Variants in SPTLC2 observed in about 807,000 individuals in gnomAD.
SPTLC2 encodes serine palmitoyltransferase long chain base subunit 2.
In SPTLC2, 21 loss-of-function variants were observed where a neutral mutation model predicts 62.0. The observed-to-expected ratio is 0.34, with a 90% CI of 0.24 to 0.49. The LOEUF (loss-of-function observed/expected upper bound fraction) is 0.49. Among genes scored for constraint, SPTLC2 ranks in the 20% least tolerant of loss-of-function variants. SPTLC2 has a pLI of 0.99. For missense variants in SPTLC2, 511 were observed against 713.0 expected (o/e 0.72, Z 3.23); for synonymous variants, 261 against 261.8 (o/e 1.00, Z 0.03).
At chr14:77,565,239 T>C (rs1466440918) in intron 5 of SPTLC2, among the ~76,000 whole-genome samples, 3 of 39,728 alleles carry the variant, frequency 7.6e-5, no homozygotes, top group African/African-American at 1.1e-4. Context: ...CAAAACTCCA[T>C]CTCAAAAAAA....
intron 9 of SPTLC2, among the ~76,000 whole-genome samples, chr14:77,527,611 A>G (rs1453937704): frequency 2.6e-5 from 4 of 152,226 alleles, no homozygotes; most frequent in African/African-American, 4.8e-5. Flanking sequence ...ATTCTCAGCC[A>G]TGCATGTAAT....
At chr14:77,555,989 T>C (rs2079581358) in intron 7 of SPTLC2, among the ~76,000 whole-genome samples, 1 of 152,024 alleles carries the variant, frequency 6.6e-6, no homozygotes, top group South Asian at 2.1e-4. Context: ...GATGAAGCCA[T>C]GGCAAGGCAA....
At chr14:77,519,785 AAC>A (rs2079377036) in intron 10 of SPTLC2, among the ~76,000 whole-genome samples, 2 of 152,120 alleles carry the variant, frequency 1.3e-5, no homozygotes, top group Non-Finnish European at 2.9e-5. Flanking sequence ...CATCTTCCTC[AAC>A]ATACCTCCTT....
At chr14:77,574,347 G>A (rs1365344734) in intron 4 of SPTLC2, among the ~76,000 whole-genome samples, 3 of 152,176 alleles carry the variant, frequency 2.0e-5, no homozygotes, top group Non-Finnish European at 1.5e-5. Flanking sequence ...CAAACAAGAT[G>A]ACTGGAAGAT....
intron 1 of SPTLC2, among the ~76,000 whole-genome samples, chr14:77,601,009 T>C (rs1039128189): frequency 6.6e-6 from 1 of 152,216 alleles, no homozygotes; most frequent in African/African-American, 2.4e-5. Context: ...TATGTTTCCA[T>C]AAGACTAAAA....
chr14:77,552,802 T>C (rs1412865888), intron 8 of SPTLC2, among the ~76,000 whole-genome samples: 1 of 90,428 alleles, frequency 1.1e-5, no homozygotes, highest in Non-Finnish European at 2.3e-5. Flanking sequence ...TGAGACTCCG[T>C]CTTAAAAAAA....
intron 2 of SPTLC2, among the ~76,000 whole-genome samples, chr14:77,588,996 CAAAAAAAAAA>C (rs60536883): frequency 3.1e-4 from 23 of 74,612 alleles, no homozygotes; most frequent in African/African-American, 1.4e-3. Flanking sequence ...GACCTTGTCT[CAAAAAAAAAA>C]AAAAAAAAAA....
intron 2 of SPTLC2, among the ~76,000 whole-genome samples, chr14:77,589,436 A>G (rs916075569): frequency 6.6e-6 from 1 of 151,796 alleles, no homozygotes; most frequent in Non-Finnish European, 1.5e-5. Flanking sequence ...AAAATACTTT[A>G]CATTGTTACT....
intron 10 of SPTLC2, among the ~76,000 whole-genome samples, chr14:77,519,764 T>C (rs2079376889): frequency 6.6e-6 from 1 of 152,218 alleles, no homozygotes; most frequent in Non-Finnish European, 1.5e-5. Flanking sequence ...CCACTCTCTG[T>C]AGTACCAGTA....
At chr14:77,529,061 C>T (rs989790504) in intron 9 of SPTLC2, among the ~76,000 whole-genome samples, 6 of 152,162 alleles carry the variant, frequency 3.9e-5, no homozygotes, top group African/African-American at 1.2e-4. Flanking sequence ...TGGTCTTGAA[C>T]GTCTGACCTC....
intron 9 of SPTLC2, among the ~76,000 whole-genome samples, chr14:77,532,414 G>C (rs2140002123): frequency 6.6e-6 from 1 of 152,164 alleles, no homozygotes; most frequent in African/African-American, 2.4e-5. Context: ...TTACTATTAG[G>C]TTTTTCTTCT....
intron 2 of SPTLC2, among the ~76,000 whole-genome samples, chr14:77,591,947 C>G (rs538105261): frequency 6.6e-6 from 1 of 152,056 alleles, no homozygotes; most frequent in East Asian, 1.9e-4. Context: ...CTGGTCTCAA[C>G]TCCTGACTTC....
At position 77,616,511 on chromosome 14, in the gene SPTLC2, C is replaced by A. The variant is rs1264195856; in HGVS notation, c.69G>T (p.Gly23=). The stretch of plus-strand genomic sequence containing the variant: ...TCCTCACGTACCCGTTCCGTACTTC[C>A]CCGTTCGCCACGCAGCCATTCGCCC... ...TVRANGCVAN[G]EVRNGYVRSS... Residue 23 remains glycine, a synonymous_variant, in exon 1 of 12, where the codon GGG becomes GGT. Transcript: ENST00000216484. 5 of 1,534,584 alleles carry A rather than the reference C, an allele frequency of 3.3e-6. No individual in the cohort carries two copies. The highest frequency in any genetic ancestry group is 4.4e-6 in the Non-Finnish European group (5 of 1,145,918).
Position 77,587,384 on chromosome 14 carries a change from C to T in SPTLC2, c.328-8275G>A, listed in dbSNP as rs571141560. On this transcript the variant is annotated intron_variant, in intron 2 of 11. Coordinates refer to ENST00000216484, the MANE Select transcript of SPTLC2 (RefSeq NM_004863.4). ...CCAACCCTGGAGAAACTCATATTTACATGCAGGAAATGCATATATCAGAAC... is the reference window on the plus strand; with the variant it reads ...CCAACCCTGGAGAAACTCATATTTATATGCAGGAAATGCATATATCAGAAC... Among the ~76,000 whole-genome samples the T allele has an allele frequency of 2.4e-4, 37 of 152,238 alleles. 1 individual carries two copies. The highest frequency in any genetic ancestry group is 8.2e-4 in the African/African-American group (34 of 41,546).
chr14:77,525,241 C>T (rs964854188), intron 9 of SPTLC2, among the ~76,000 whole-genome samples: 3 of 152,164 alleles, frequency 2.0e-5, no homozygotes, highest in Middle Eastern at 3.4e-3. Context: ...GCTATGACTG[C>T]ACCTGTAAAC....
intron 2 of SPTLC2, among the ~76,000 whole-genome samples, chr14:77,587,722 A>G (rs2079789848): frequency 1.3e-5 from 2 of 151,302 alleles, no homozygotes; most frequent in South Asian, 4.2e-4. Context: ...GCACCACTGC[A>G]CTCCAGCCTG....
intron 9 of SPTLC2, among the ~76,000 whole-genome samples, chr14:77,549,065 C>T (rs2079543026): frequency 6.6e-6 from 1 of 152,074 alleles, no homozygotes; most frequent in African/African-American, 2.4e-5. Flanking sequence ...AATGTGATCC[C>T]CAATGACGGA....
chr14:77,540,406 C>T (rs1213268976), intron 9 of SPTLC2, among the ~76,000 whole-genome samples: 1 of 152,076 alleles, frequency 6.6e-6, no homozygotes, highest in African/African-American at 2.4e-5. Flanking sequence ...GGCACAGCAG[C>T]CCAGATCATC....
At chr14:77,596,452 G>A (rs191377260) in intron 2 of SPTLC2, among the ~76,000 whole-genome samples, 5 of 152,244 alleles carry the variant, frequency 3.3e-5, no homozygotes, top group East Asian at 1.9e-4. Context: ...GCAGTGAGCC[G>A]AGATCGCACC....
Sources: allele counts gnomAD v4.1 joint callset (sites outside exome capture counted in the v4.1 genomes callset), GRCh38; gene constraint gnomAD v4.1.1; transcripts MANE v1.5; gene names NCBI Gene and HGNC (gene_info 2026-07-23, HGNC 2026-07-21).